Variants in ATG5 observed in about 807,000 individuals in gnomAD.
The protein encoded by ATG5 is autophagy protein 5.
In ATG5, 14 loss-of-function variants were observed where a neutral mutation model predicts 36.5. The ratio of observed to expected loss-of-function variants is 0.38; its 90% confidence interval spans 0.25 to 0.60. The LOEUF (loss-of-function observed/expected upper bound fraction) is 0.60, where lower values mean the gene tolerates loss of function less well. Ranked by LOEUF, ATG5 falls within the 20% of genes least tolerant of loss-of-function variation. The pLI is 0.60. For missense variants in ATG5, 195 were observed against 326.7 expected, an observed-to-expected ratio of 0.60 and a Z score of 3.11; for synonymous variants, 95 against 101.5, an observed-to-expected ratio of 0.94 and a Z score of 0.38.
At chr6:106,322,909 C>G (rs1771144736) in intron 1 of ATG5, among the ~76,000 whole-genome samples, 1 of 152,090 alleles carries the variant, frequency 6.6e-6, no homozygotes, top group Admixed American at 6.5e-5. Context: ...CCTTCCTCCT[C>G]TCTCCTATCA....
At chr6:106,317,349 G>C (rs901743935) in intron 1 of ATG5, among the ~76,000 whole-genome samples, 5 of 152,024 alleles carry the variant, frequency 3.3e-5, no homozygotes, top group African/African-American at 1.2e-4. Flanking sequence ...ATAATCTTAC[G>C]AGTTTAGCCA....
chr6:106,238,952 A>G (rs536887527), intron 6 of ATG5, among the ~76,000 whole-genome samples: 1 of 152,344 alleles, frequency 6.6e-6, no homozygotes, highest in South Asian at 2.1e-4. Flanking sequence ...AACTTCATCA[A>G]ACTAGCAAAT....
At position 106,311,959 on chromosome 6, in the gene ATG5, T is replaced by A. The variant is rs540362683; in HGVS notation, c.109-3468A>T. Among the ~76,000 whole-genome samples, 60 of 152,146 alleles carry A rather than the reference T, an allele frequency of 3.9e-4. 1 individual carries two copies. The South Asian group carries it at 4.4e-3, about 11-fold the overall frequency. On this transcript the variant is annotated intron_variant, in intron 2 of 7. Transcript: ENST00000369076. ...GATTCTCCTGCCTCAGTCTCCCAGG[T>A]AGCTGGGATTACAGGTGTCCACCAC...
intron 3 of ATG5, among the ~76,000 whole-genome samples, chr6:106,305,236 T>C (rs1354126730): frequency 2.0e-5 from 3 of 152,334 alleles, no homozygotes; most frequent in East Asian, 1.9e-4. Flanking sequence ...ATAATTTGTT[T>C]TAAGAATACT....
Position 106,186,586 on chromosome 6 carries a change from G to A in ATG5, c.782C>T (p.Pro261Leu). 2 of 1,613,606 alleles carry A rather than the reference G, an allele frequency of 1.2e-6. No individual in the cohort carries two copies. Among genetic ancestry groups the A allele is most frequent in the South Asian group, 2.2e-5 (2 of 91,074 alleles). The change falls in exon 8 of 8, where the codon CCG becomes CTG. Residue 261 changes from proline to leucine, a missense_variant. Coordinates refer to ENST00000369076, the MANE Select transcript of ATG5 (RefSeq NM_004849.4). The stretch of plus-strand genomic sequence containing the variant: ...GATACTAATATGAAGAAAATTATCC[G>A]GGTAGCTCAGATGTTCACTCAGCCA... ...LQWLSEHLSYPDNFLHISIIP... is the reference protein window; with the variant it reads ...LQWLSEHLSYLDNFLHISIIP...
intron 6 of ATG5, among the ~76,000 whole-genome samples, chr6:106,244,981 A>G (rs893004339): frequency 1.3e-5 from 2 of 152,168 alleles, no homozygotes; most frequent in African/African-American, 4.8e-5. Flanking sequence ...TTCATTAATC[A>G]CCACCTGTTT....
intron 5 of ATG5, among the ~76,000 whole-genome samples, chr6:106,263,715 G>A (rs1779116005): frequency 6.6e-6 from 1 of 152,118 alleles, no homozygotes; most frequent in South Asian, 2.1e-4. Context: ...CAGGCGAACA[G>A]GGTCTAGAGT....
chr6:106,312,976 C>G (rs575326392), intron 2 of ATG5, among the ~76,000 whole-genome samples: 60 of 152,204 alleles, frequency 3.9e-4, no homozygotes, highest in Non-Finnish European at 1.5e-4. Flanking sequence ...GAGATGGGGT[C>G]AACAGAAGGT....
intron 1 of ATG5, among the ~76,000 whole-genome samples, chr6:106,323,020 T>C (rs74934086): frequency 0.012 from 1,870 of 151,904 alleles, 20 homozygotes; most frequent in African/African-American, 0.02. Flanking sequence ...CCCGGGTTCA[T>C]GCCATTCTCC....
intron 6 of ATG5, among the ~76,000 whole-genome samples, chr6:106,239,504 A>G (rs1475270): frequency 0.63 from 95,402 of 152,074 alleles, 31,985 homozygotes; most frequent in African/African-American, 0.88. Context: ...GAAAATTAAT[A>G]ACTGAGAATA....
intron 5 of ATG5, among the ~76,000 whole-genome samples, chr6:106,262,781 A>T (rs936601200): frequency 2.0e-5 from 3 of 152,172 alleles, no homozygotes; most frequent in Non-Finnish European, 4.4e-5. Flanking sequence ...CCCCCAGCCA[A>T]GGGAAGCCAT....
At chr6:106,232,722 G>A (rs760422355) in intron 6 of ATG5, among the ~76,000 whole-genome samples, 2 of 152,136 alleles carry the variant, frequency 1.3e-5, no homozygotes, top group Non-Finnish European at 2.9e-5. Flanking sequence ...GGACAGTGGA[G>A]GTTAGTGCAA....
At chr6:106,224,392 G>A (rs892525347) in intron 6 of ATG5, among the ~76,000 whole-genome samples, 1 of 152,186 alleles carries the variant, frequency 6.6e-6, no homozygotes, top group Non-Finnish European at 1.5e-5. Context: ...GACAGTTCTG[G>A]TCCATTAGAA....
At chr6:106,258,531 G>A (rs1271902866) in intron 5 of ATG5, among the ~76,000 whole-genome samples, 1 of 152,034 alleles carries the variant, frequency 6.6e-6, no homozygotes, top group Non-Finnish European at 1.5e-5. Context: ...AAAACCCTAG[G>A]ATTTTATATT....
chr6:106,316,320 G>T, intron 1 of ATG5, 54 bp from the exon 2 acceptor site: 1 of 586,664 alleles, frequency 1.7e-6, no homozygotes, highest in Non-Finnish European at 2.8e-6. Context: ...GAATGAACCT[G>T]CTAGAAAACA....
chr6:106,304,063 T>A (rs866691195), intron 3 of ATG5: 1 of 149,718 alleles, frequency 6.7e-6, no homozygotes, highest in East Asian at 2.0e-4. Flanking sequence ...ACTGTTTACA[T>A]AGAAAACCCC....
At chr6:106,214,066 T>C (rs1219317119) in intron 6 of ATG5, among the ~76,000 whole-genome samples, 1 of 152,194 alleles carries the variant, frequency 6.6e-6, no homozygotes, top group Non-Finnish European at 1.5e-5. Context: ...ACACAGGATA[T>C]GCTGCCAGAC....
intron 7 of ATG5, among the ~76,000 whole-genome samples, chr6:106,188,144 A>G (rs1276632550): frequency 2.0e-5 from 3 of 152,194 alleles, no homozygotes; most frequent in African/African-American, 7.2e-5. Flanking sequence ...TACTATAGAA[A>G]GCATAGTACC....
intron 5 of ATG5, among the ~76,000 whole-genome samples, chr6:106,276,967 T>C (rs1414358803): frequency 6.6e-6 from 1 of 152,190 alleles, no homozygotes; most frequent in African/African-American, 2.4e-5. Flanking sequence ...GCAAAGCTTA[T>C]AACCTAGTTG....
Sources: allele counts gnomAD v4.1 joint callset (sites outside exome capture counted in the v4.1 genomes callset), GRCh38; gene constraint gnomAD v4.1.1; transcripts MANE v1.5; gene names NCBI Gene and HGNC (gene_info 2026-07-23, HGNC 2026-07-21).